The following RBSN variants were observed in gnomAD, a reference collection of about 807,000 sequenced individuals.
RBSN encodes the protein rabenosyn, RAB effector.
In RBSN, 34 loss-of-function variants were observed where a neutral mutation model predicts 60.5. The ratio of observed to expected loss-of-function variants is 0.56; its 90% CI spans 0.43 to 0.75. The LOEUF (loss-of-function observed/expected upper bound fraction) is 0.75. Among genes scored for constraint, RBSN ranks in the 30% least tolerant of loss-of-function variants. The pLI is 0.00. For synonymous variants in RBSN, 322 were observed against 366.9 expected, an observed-to-expected ratio of 0.88 and a Z score of 1.40; for missense variants, 845 against 986.8, an observed-to-expected ratio of 0.86 and a Z score of 1.92.
intron 1 of RBSN, 41 bp from the exon 2 acceptor site, chr3:15,098,315 T>C (rs2043723452): frequency 6.6e-6 from 1 of 151,920 alleles, no homozygotes; most frequent in African/African-American, 2.4e-5. Flanking sequence ...GCTCCATGAA[T>C]GAACGAAGAA....
chr3:15,091,912 T>G (rs940225658), intron 4 of RBSN, among the ~76,000 whole-genome samples: 1 of 152,268 alleles, frequency 6.6e-6, no homozygotes, highest in Non-Finnish European at 1.5e-5. Context: ...TAAGACGCTC[T>G]CTCATGAATG....
In RBSN at chr3:15,077,011, A is replaced by C; in HGVS notation, c.1101+51T>G. On this transcript the variant is annotated intron_variant, in intron 12 of 13. Coordinates refer to ENST00000253699, the MANE Select transcript of RBSN (RefSeq NM_022340.4). This position sits in a 1 kb window ranked among gnomAD's most constrained non-coding sequence, Gnocchi z 4.4. ...ATGGATCTGCCTCCTGGGAAGCAAA[A>C]GAGCAGGACAGGCCAAGTGCAACAT... 6.6e-7 allele frequency: 1 copy of C among 1,512,908 alleles called. No individual in the cohort carries two copies. The highest frequency in any genetic ancestry group is 9.2e-7 in the Non-Finnish European group (1 of 1,089,122). The allele number at this position is 1,512,908 out of a possible 1,614,324, so 93.7% of individuals were successfully genotyped here. A position where few individuals can be genotyped will look rare whatever the true frequency, so the allele number is the denominator to read the frequency against.
rs1451994431 is a variant in RBSN at position 15,071,817 on chromosome 3, G to C, written c.*1965C>G. ...CAGTAACCAGTGAAAGTATGGCCTA[G>C]AGCTAGTTACACGGCATAAAGTGAC... On this transcript the variant is annotated 3_prime_UTR_variant, in exon 14 of 14. Coordinates refer to ENST00000253699, the MANE Select transcript of RBSN (RefSeq NM_022340.4). 1 of 152,662 alleles carries C rather than the reference G, an allele frequency of 6.6e-6. No individual in the cohort carries two copies. Among genetic ancestry groups the C allele is most frequent in the Non-Finnish European group, 1.5e-5 (1 of 68,048 alleles). The allele number at this position is 152,662 out of a possible 1,614,324, so 9.5% of individuals were successfully genotyped here. A position where few individuals can be genotyped will look rare whatever the true frequency, so the allele number is the denominator to read the frequency against.
chr3:15,077,098 C>T lies in RBSN; in HGVS notation c.1065G>A (p.Gln355=), dbSNP rs1488096. ...GTGTAGCTGAGTATCTGATCATTCT[C>T]TGCAGCCGCAAATTGCTTGGATGTG... The part of the protein sequence containing the change: ...PPPHPSNLRL[Q]RMIRYSATLF... Residue 355 remains glutamine, a synonymous_variant, in exon 12 of 14, where the codon CAG becomes CAA. Coordinates refer to ENST00000253699, the MANE Select transcript of RBSN (RefSeq NM_022340.4). The surrounding 1 kb of genome is among the most constrained non-coding windows in gnomAD (Gnocchi z 4.4). The T allele has an allele frequency of 2.7e-3, 4,288 of 1,614,122 alleles. 97 individuals carry two copies. In the African/African-American group the frequency reaches 0.05, roughly 19 times the overall value.
At chr3:15,075,549 C>A in intron 13 of RBSN, 57 bp downstream of exon 13, 2 of 1,438,414 alleles carry the variant, frequency 1.4e-6, no homozygotes, top group Non-Finnish European at 2.0e-6. Flanking sequence ...CCCATGGCAG[C>A]CTCTGTGCTT....
At chr3:15,096,959 A>C (rs1414668863) in intron 2 of RBSN, among the ~76,000 whole-genome samples, 1 of 152,184 alleles carries the variant, frequency 6.6e-6, no homozygotes, top group African/African-American at 2.4e-5. Flanking sequence ...TTCTCGGTTC[A>C]AGTGATCCTC....
chr3:15,078,204 A>C (rs1229962929), intron 10 of RBSN, 43 bp from the exon 11 acceptor site: 1 of 1,551,838 alleles, frequency 6.4e-7, no homozygotes, highest in South Asian at 1.1e-5. Context: ...TTCATGGTGC[A>C]GATTGGACAG....
At chr3:15,078,381 C>T (rs924991215) in intron 10 of RBSN, among the ~76,000 whole-genome samples, 1 of 152,128 alleles carries the variant, frequency 6.6e-6, no homozygotes, top group Non-Finnish European at 1.5e-5. Context: ...AGATTCATGC[C>T]AAGGCCTCCA....
In RBSN at chr3:15,070,089, A is replaced by AT. The variant is rs3832216; in HGVS notation, c.*3692dup. The stretch of plus-strand genomic sequence containing the variant: ...ACCCCCAACCTCTATCTCAGATTTT[A>AT]TTTTTTTTAAAAAAGGCTCCAATAC... On this transcript the variant is annotated 3_prime_UTR_variant, in exon 14 of 14. Transcript: ENST00000253699. The AT allele has an allele frequency of 0.07, 10,682 of 152,456 alleles. 490 individuals carry two copies. Among genetic ancestry groups the AT allele is most frequent in the Admixed American group, 0.099 (1,509 of 15,258 alleles). 9.4% of individuals were successfully genotyped at this position (152,456 alleles called of 1,614,324 possible).
chr3:15,084,676 C>T lies in RBSN; in HGVS notation c.598+59G>A. ...GTTCCACGATCCCAGTGGTAATTAGCAAATAAGCTAGGCCCAAAAGAAGAT... is the reference window on the plus strand; with the variant it reads ...GTTCCACGATCCCAGTGGTAATTAGTAAATAAGCTAGGCCCAAAAGAAGAT... On this transcript the variant is annotated intron_variant, in intron 8 of 13. Coordinates refer to ENST00000253699, the MANE Select transcript of RBSN (RefSeq NM_022340.4). The surrounding 1 kb of genome is among the most constrained non-coding windows in gnomAD (Gnocchi z 4.2). 3 of 1,511,376 alleles carry T rather than the reference C, an allele frequency of 2.0e-6. No individual in the cohort carries two copies. Among genetic ancestry groups the T allele is most frequent in the Non-Finnish European group, 2.7e-6 (3 of 1,129,250 alleles). The allele number at this position is 1,511,376 out of a possible 1,614,324, so 93.6% of individuals were successfully genotyped here. A position where few individuals can be genotyped will look rare whatever the true frequency, so the allele number is the denominator to read the frequency against.
chr3:15,095,444 G>A (rs1468315269), intron 4 of RBSN, among the ~76,000 whole-genome samples: 1 of 152,178 alleles, frequency 6.6e-6, no homozygotes, highest in African/African-American at 2.4e-5. Flanking sequence ...CTGAGCTCTT[G>A]GAAGCTCAAA....
Position 15,077,997 on chromosome 3 carries a change from G to A in RBSN, c.998+78C>T. On this transcript the variant is annotated intron_variant, in intron 11 of 13. Coordinates refer to ENST00000253699, the MANE Select transcript of RBSN (RefSeq NM_022340.4). This position sits in a 1 kb window ranked among gnomAD's most constrained non-coding sequence, Gnocchi z 4.4. Reference sequence around the variant, plus strand: ...ATCACCAGAAGTCTGAGTGAGTGCAGGTCTGCTTTCGCCATTTCATTAGAA... The same window carrying A: ...ATCACCAGAAGTCTGAGTGAGTGCAAGTCTGCTTTCGCCATTTCATTAGAA... The A allele has an allele frequency of 4.7e-6, 6 of 1,279,076 alleles. No homozygotes were observed. Among genetic ancestry groups the A allele is most frequent in the South Asian group, 2.4e-5 (2 of 81,638 alleles). 79.2% of individuals were successfully genotyped at this position (1,279,076 alleles called of 1,614,324 possible). A position where few individuals can be genotyped will look rare whatever the true frequency, so the allele number is the denominator to read the frequency against.
At chr3:15,090,086 T>G (rs2043470265) in intron 5 of RBSN, among the ~76,000 whole-genome samples, 1 of 152,220 alleles carries the variant, frequency 6.6e-6, no homozygotes, top group African/African-American at 2.4e-5. Context: ...ATGCCTGGGC[T>G]GACGTCAGAG....
intron 4 of RBSN, 87 bp downstream of exon 4, chr3:15,095,886 T>G: frequency 6.4e-7 from 1 of 1,570,154 alleles, no homozygotes; most frequent in Non-Finnish European, 8.8e-7. Context: ...ATCATATTCC[T>G]GTGGCAACAC....
At chr3:15,086,042 G>T in intron 5 of RBSN, 81 bp from the exon 6 acceptor site, 6 of 974,478 alleles carry the variant, frequency 6.2e-6, no homozygotes, top group Non-Finnish European at 9.1e-6. Flanking sequence ...TCTTATCCCA[G>T]TGAATTTCAA....
intron 10 of RBSN, 72 bp downstream of exon 10, chr3:15,080,660 T>C (rs2043180453): frequency 2.8e-6 from 4 of 1,422,948 alleles, no homozygotes; most frequent in African/African-American, 2.9e-5. Context: ...CATTTTTGGC[T>C]ACTGGAGAAT....
At chr3:15,090,366 C>T (rs772876265) in intron 5 of RBSN, 33 bp downstream of exon 5, 1 of 1,609,892 alleles carries the variant, frequency 6.2e-7, no homozygotes, top group South Asian at 1.1e-5. Context: ...TGCTCAATAA[C>T]CACTTGCTGA....
At chr3:15,087,694 C>T (rs1467066687) in intron 5 of RBSN, among the ~76,000 whole-genome samples, 1 of 152,156 alleles carries the variant, frequency 6.6e-6, no homozygotes, top group Non-Finnish European at 1.5e-5. Context: ...TCTCCAGGCT[C>T]ACTGCAATCT....
At position 15,084,028 on chromosome 3, in the gene RBSN, G is replaced by A. The variant is rs572016072; in HGVS notation, c.598+707C>T. The stretch of plus-strand genomic sequence containing the variant: ...TTATAGGCTTATAGGCCAGAAATGG[G>A]CAAAAAATGACCTGTGAGCCAAGTC... On this transcript the variant is annotated intron_variant, in intron 8 of 13. Coordinates refer to ENST00000253699, the MANE Select transcript of RBSN (RefSeq NM_022340.4). This position sits in a 1 kb window ranked among gnomAD's most constrained non-coding sequence, Gnocchi z 4.2. 1.2e-4 allele frequency among the ~76,000 whole-genome samples: 18 copies of A among 152,322 alleles called. No individual in the cohort carries two copies. The highest frequency in any genetic ancestry group is 3.4e-3 in the Middle Eastern group (1 of 294).
Sources: gnomAD v4.1 joint callset for allele counts (sites outside exome capture counted in the v4.1 genomes callset) on GRCh38, gnomAD v4.1.1 for gene constraint, Gnocchi (gnomAD v3.1) non-coding constraint, MANE v1.5 for transcripts, NCBI Gene and HGNC (gene_info 2026-07-23, HGNC 2026-07-21) for gene names.